The following NUP210 variants were observed in gnomAD, a reference collection of about 807,000 sequenced individuals.
The protein encoded by NUP210 is nuclear pore membrane glycoprotein 210.
In NUP210, 151 loss-of-function variants were observed where a neutral mutation model predicts 196.0. The ratio of observed to expected loss-of-function variants is 0.77; its 90% CI spans 0.67 to 0.88. NUP210 has a LOEUF of 0.88. Among genes scored for constraint, NUP210 ranks in the 40% least tolerant of loss-of-function variants. The probability of loss-of-function intolerance (pLI) is 0.00; values close to 1 mark genes in which losing one functional copy is unlikely to be tolerated. For synonymous variants in NUP210, 1,070 were observed against 1,052.7 expected, an observed-to-expected ratio of 1.02 and a Z score of -0.32; for missense variants, 2,314 against 2,493.7, an observed-to-expected ratio of 0.93 and a Z score of 1.53.
At position 13,405,271 on chromosome 3, in the gene NUP210, T is replaced by G. The variant is rs116454937; in HGVS notation, c.168-5410A>C. 7.8e-3 allele frequency among the ~76,000 whole-genome samples: 1,193 copies of G among 152,238 alleles called. 16 individuals are homozygous for G. Among genetic ancestry groups the G allele is most frequent in the African/African-American group, 0.027 (1,132 of 41,532 alleles). On this transcript the variant is annotated intron_variant, in intron 1 of 39. Coordinates refer to ENST00000254508, the MANE Select transcript of NUP210 (RefSeq NM_024923.4). ...AGAACAAAAGCCTGAGCAAGGAGAATTCCCGCTCTGGGCCTCGCAGTCATT... is the reference window on the plus strand; with the variant it reads ...AGAACAAAAGCCTGAGCAAGGAGAAGTCCCGCTCTGGGCCTCGCAGTCATT...
chr3:13,352,759 G>C (rs6777313), intron 18 of NUP210, among the ~76,000 whole-genome samples: 152,288 of 152,292 alleles, frequency 1, 76,142 homozygotes, highest in Middle Eastern at 1. Flanking sequence ...AGCAACTGCC[G>C]GCAGGGAGAG....
intron 1 of NUP210, among the ~76,000 whole-genome samples, chr3:13,418,367 G>A (rs894791788): frequency 2.0e-5 from 3 of 151,904 alleles, no homozygotes; most frequent in Admixed American, 1.3e-4. Flanking sequence ...CAGAGGCGGC[G>A]GGATCACTTG....
chr3:13,394,998 G>A (rs997840306), intron 3 of NUP210, among the ~76,000 whole-genome samples: 1 of 152,320 alleles, frequency 6.6e-6, no homozygotes, highest in Non-Finnish European at 1.5e-5. Context: ...CCATTTCCTT[G>A]CTGCAAAGGT....
chr3:13,349,767 C>G (rs1697902829), intron 20 of NUP210, among the ~76,000 whole-genome samples: 1 of 152,232 alleles, frequency 6.6e-6, no homozygotes, highest in South Asian at 2.1e-4. Context: ...TAAGCACACT[C>G]TCCAAAACAC....
intron 16 of NUP210, among the ~76,000 whole-genome samples, chr3:13,356,632 G>C (rs910192809): frequency 6.6e-6 from 1 of 152,186 alleles, no homozygotes; most frequent in African/African-American, 2.4e-5. Context: ...AACAGAGCGA[G>C]ACTGTGTCTC....
chr3:13,369,727 C>T (rs1698662240), intron 13 of NUP210, among the ~76,000 whole-genome samples: 1 of 152,286 alleles, frequency 6.6e-6, no homozygotes, highest in South Asian at 2.1e-4. Flanking sequence ...TCACCATGTA[C>T]GAGCAGGTTT....
chr3:13,366,580 CTA>C (rs1441108373), intron 13 of NUP210, among the ~76,000 whole-genome samples: 1 of 141,604 alleles, frequency 7.1e-6, no homozygotes, highest in Non-Finnish European at 1.5e-5. Context: ...TGCAGTGGTG[CTA>C]TCTCAGCTCA....
chr3:13,377,284 C>T (rs1360827002), intron 9 of NUP210, among the ~76,000 whole-genome samples, 172 bp downstream of exon 9: 1 of 152,164 alleles, frequency 6.6e-6, no homozygotes, highest in Non-Finnish European at 1.5e-5. Context: ...TGGAGATGCC[C>T]CGGGATGCCT....
intron 10 of NUP210, 65 bp downstream of exon 10, chr3:13,376,226 A>C: frequency 6.3e-7 from 1 of 1,578,914 alleles, no homozygotes; most frequent in South Asian, 1.1e-5. Flanking sequence ...TCCTGGGCTG[A>C]CATTTCTGCC....
chr3:13,367,424 C>T (rs185763946), intron 13 of NUP210, among the ~76,000 whole-genome samples: 1 of 152,138 alleles, frequency 6.6e-6, no homozygotes, highest in East Asian at 1.9e-4. Context: ...AACGAGGGAG[C>T]AAAACTCAGT....
At chr3:13,328,200 C>T (rs886072386) in intron 31 of NUP210, among the ~76,000 whole-genome samples, 1 of 152,240 alleles carries the variant, frequency 6.6e-6, no homozygotes, top group African/African-American at 2.4e-5. Context: ...TATGTGCGCA[C>T]ACACGGAGTG....
chr3:13,397,090 A>G (rs1699683102), intron 3 of NUP210, among the ~76,000 whole-genome samples: 1 of 152,154 alleles, frequency 6.6e-6, no homozygotes, highest in African/African-American at 2.4e-5. Flanking sequence ...CACAGCTCTG[A>G]GCACACAGGC....
chr3:13,363,099 G>A (rs1698422182), intron 14 of NUP210, among the ~76,000 whole-genome samples: 1 of 152,202 alleles, frequency 6.6e-6, no homozygotes. Context: ...ACCTCGCGGT[G>A]CTACTGTTGT....
chr3:13,328,588 A>G (rs542327444), intron 31 of NUP210, among the ~76,000 whole-genome samples, 183 bp downstream of exon 31: 1 of 152,188 alleles, frequency 6.6e-6, no homozygotes, highest in African/African-American at 2.4e-5. Context: ...GCTGGTCTAC[A>G]TCCCCCAAGG....
rs139082138 is a variant in NUP210, at chr3:13,397,383, A to G, written c.410T>C (p.Leu137Pro). 8.7e-6 allele frequency: 14 copies of G among 1,610,934 alleles called. No homozygotes were observed. In the African/African-American group the frequency reaches 1.9e-4, roughly 22 times the overall value. The part of the protein sequence containing the change: ...ELYLEDSPLE[L>P]KIQALDSEGN... Reference sequence around the variant, plus strand: ...TTCGGAGTCCAGGGCCTGGATCTTCAGCTCCAGGGGGGAGTCCTCCAGGTA... The same window carrying G: ...TTCGGAGTCCAGGGCCTGGATCTTCGGCTCCAGGGGGGAGTCCTCCAGGTA... Residue 137 changes from leucine to proline, a missense_variant, in exon 3 of 40, where the codon CTG (leucine) becomes CCG (proline). Coordinates refer to ENST00000254508, the MANE Select transcript of NUP210 (RefSeq NM_024923.4).
intron 25 of NUP210, among the ~76,000 whole-genome samples, chr3:13,339,510 G>C (rs1697370123): frequency 6.6e-6 from 1 of 152,244 alleles, no homozygotes; most frequent in African/African-American, 2.4e-5. Flanking sequence ...GAGGATTCAA[G>C]GAGATGAAGG....
At chr3:13,406,181 G>T (rs150396442) in intron 1 of NUP210, among the ~76,000 whole-genome samples, 252 of 152,286 alleles carry the variant, frequency 1.7e-3, no homozygotes, top group African/African-American at 5.8e-3. Flanking sequence ...GGGAAGTGTG[G>T]GTCCAGGGAA....
Position 13,327,441 on chromosome 3 carries a change from G to C in NUP210, c.4287-4C>G. On this transcript the variant is annotated splice_polypyrimidine_tract_variant and splice_region_variant and intron_variant, in intron 31 of 39. Coordinates refer to ENST00000254508, the MANE Select transcript of NUP210 (RefSeq NM_024923.4). ...CCCGATCTGCACAAAGTCGTCTCTA[G>C]GCACAGGAGAGAAAGGAGGGCTCTC... The C allele has an allele frequency of 6.2e-7, 1 of 1,600,930 alleles. No individual in the cohort carries two copies. Among genetic ancestry groups the C allele is most frequent in the South Asian group, 1.1e-5 (1 of 90,262 alleles).
intron 28 of NUP210, among the ~76,000 whole-genome samples, chr3:13,334,981 A>G (rs1034497751): frequency 1.3e-5 from 2 of 152,226 alleles, no homozygotes; most frequent in African/African-American, 4.8e-5. Context: ...CAGGGGCATC[A>G]GCAGGTGGCA....
Sources: gnomAD v4.1 joint callset for allele counts (sites outside exome capture counted in the v4.1 genomes callset) on GRCh38, gnomAD v4.1.1 for gene constraint, MANE v1.5 for transcripts, NCBI Gene and HGNC (gene_info 2026-07-23, HGNC 2026-07-21) for gene names.